DOCK4: variants seen among roughly 807,000 people sequenced by gnomAD.
DOCK4 encodes dedicator of cytokinesis 4, also known as dedicator of cytokinesis protein 4.
In DOCK4, 97 loss-of-function variants were observed where a neutral mutation model predicts 268.1. That is an observed-to-expected ratio of 0.36 (90% confidence interval 0.31 to 0.43). The LOEUF (loss-of-function observed/expected upper bound fraction) is 0.43, where lower values mean the gene tolerates loss of function less well. Among genes scored for constraint, DOCK4 ranks in the 20% least tolerant of loss-of-function variants. DOCK4 has a pLI of 1.00. For synonymous variants in DOCK4, 954 were observed against 887.2 expected, an observed-to-expected ratio of 1.08 and a Z score of -1.34; for missense variants, 2,145 against 2,455.7, an observed-to-expected ratio of 0.87 and a Z score of 2.67.
chr7:112,184,793 C>G (rs6973251), intron 1 of DOCK4, among the ~76,000 whole-genome samples: 8 of 152,192 alleles, frequency 5.3e-5, no homozygotes, highest in Non-Finnish European at 1.0e-4. Flanking sequence ...ACAATCCCCC[C>G]CCCTTAGAGC....
chr7:111,947,252 G>A (rs996999578), intron 8 of DOCK4, among the ~76,000 whole-genome samples: 2 of 152,160 alleles, frequency 1.3e-5, no homozygotes, highest in African/African-American at 4.8e-5. Flanking sequence ...GGAGATATGA[G>A]AACCATAAAC....
chr7:112,172,659 C>T (rs1051140093), intron 1 of DOCK4, among the ~76,000 whole-genome samples: 2 of 152,088 alleles, frequency 1.3e-5, no homozygotes, highest in African/African-American at 4.8e-5. Flanking sequence ...GAAATAAATT[C>T]ATGAACAGTA....
intron 42 of DOCK4, among the ~76,000 whole-genome samples, chr7:111,750,648 C>T (rs1043762459): frequency 1.3e-5 from 2 of 152,110 alleles, no homozygotes; most frequent in Non-Finnish European, 2.9e-5. Flanking sequence ...GAGCATCCTG[C>T]CTGCCTTGAA....
chr7:111,926,909 GA>G (rs1418409561), intron 12 of DOCK4, among the ~76,000 whole-genome samples: 3 of 150,410 alleles, frequency 2.0e-5, no homozygotes, highest in African/African-American at 7.3e-5. Context: ...AAGGAAGAAA[GA>G]AAAAAAGAAA....
At chr7:112,070,420 T>C (rs1161300792) in intron 1 of DOCK4, among the ~76,000 whole-genome samples, 2 of 150,336 alleles carry the variant, frequency 1.3e-5, no homozygotes, top group Non-Finnish European at 1.5e-5. Flanking sequence ...TTTTTGCCAT[T>C]AAAAAAAAAT....
rs986949683 is a variant in DOCK4, at chr7:111,812,009, C to T, written c.2931-60G>A. The T allele has an allele frequency of 1.9e-5, 18 of 932,336 alleles. No homozygotes were observed. In the African/African-American group the frequency reaches 2.9e-4, roughly 15 times the overall value. The allele number at this position is 932,336 out of a possible 1,614,324, so 57.8% of individuals were successfully genotyped here. A position where few individuals can be genotyped will look rare whatever the true frequency, so the allele number is the denominator to read the frequency against. The stretch of plus-strand genomic sequence containing the variant: ...ATATTAGTGAAAATCATTTAGTATA[C>T]AAGAATAAAAACCTACTAAGATAAA... On this transcript the variant is annotated intron_variant, in intron 27 of 52. Transcript: ENST00000428084.
chr7:111,826,471 T>C (rs888817231), intron 26 of DOCK4, among the ~76,000 whole-genome samples: 2 of 152,144 alleles, frequency 1.3e-5, no homozygotes, highest in African/African-American at 2.4e-5. Context: ...TTACATATGA[T>C]ACTATGATAT....
At chr7:111,830,894 A>G (rs576058292) in intron 26 of DOCK4, among the ~76,000 whole-genome samples, 1 of 152,060 alleles carries the variant, frequency 6.6e-6, no homozygotes, top group Non-Finnish European at 1.5e-5. Context: ...GGAACCTTTC[A>G]TGATGGTACT....
At chr7:111,772,288 T>C (rs1185634162) in intron 36 of DOCK4, among the ~76,000 whole-genome samples, 2 of 152,128 alleles carry the variant, frequency 1.3e-5, no homozygotes, top group Non-Finnish European at 2.9e-5. Context: ...GGCATACGCC[T>C]GTAGTCCCAG....
intron 1 of DOCK4, among the ~76,000 whole-genome samples, chr7:112,162,167 G>A (rs939474288): frequency 6.6e-6 from 1 of 152,104 alleles, no homozygotes; most frequent in Non-Finnish European, 1.5e-5. Context: ...TCATTTATCT[G>A]GCATCAAGAG....
At chr7:111,782,954 A>G (rs1798882119) in intron 34 of DOCK4, 30 bp from the exon 35 acceptor site, 1 of 1,594,312 alleles carries the variant, frequency 6.3e-7, no homozygotes, top group Non-Finnish European at 8.6e-7. Context: ...GTCAGAACTC[A>G]GAACTTCCTT....
At chr7:111,899,711 T>TCAC (rs1790971797) in intron 15 of DOCK4, among the ~76,000 whole-genome samples, 1 of 151,890 alleles carries the variant, frequency 6.6e-6, no homozygotes, top group Non-Finnish European at 1.5e-5. Flanking sequence ...TCACCTGAGG[T>TCAC]CAGGAGTTCA....
intron 36 of DOCK4, among the ~76,000 whole-genome samples, chr7:111,774,116 T>C (rs887786498): frequency 1.1e-4 from 17 of 152,080 alleles, no homozygotes; most frequent in Non-Finnish European, 2.1e-4. Flanking sequence ...ACATACACAA[T>C]ATATAACCAT....
At chr7:112,036,175 A>C (rs1470405497) in intron 1 of DOCK4, among the ~76,000 whole-genome samples, 1 of 152,168 alleles carries the variant, frequency 6.6e-6, no homozygotes, top group Non-Finnish European at 1.5e-5. Flanking sequence ...GTAAACATGT[A>C]AAAACTCAGG....
chr7:112,099,993 T>G (rs1810525642), intron 1 of DOCK4, among the ~76,000 whole-genome samples: 1 of 152,244 alleles, frequency 6.6e-6, no homozygotes, highest in South Asian at 2.1e-4. Flanking sequence ...ATCCTCTTAA[T>G]GTTCTAGGTT....
intron 1 of DOCK4, among the ~76,000 whole-genome samples, chr7:112,102,782 C>A (rs999089609): frequency 2.0e-5 from 3 of 152,164 alleles, no homozygotes; most frequent in Admixed American, 6.5e-5. Flanking sequence ...TTTGTTATAG[C>A]AGCCCAAATG....
At chr7:111,985,156 G>A (rs1207338910) in intron 6 of DOCK4, among the ~76,000 whole-genome samples, 1 of 152,032 alleles carries the variant, frequency 6.6e-6, no homozygotes, top group African/African-American at 2.4e-5. Context: ...TCCCTCTAGC[G>A]ACCTTCCTAG....
intron 1 of DOCK4, among the ~76,000 whole-genome samples, chr7:112,088,381 T>A (rs1314504545): frequency 6.6e-6 from 1 of 152,118 alleles, no homozygotes; most frequent in South Asian, 2.1e-4. Flanking sequence ...GATAAAAAAA[T>A]GTATCTCCTA....
In DOCK4 at chr7:111,784,083, A is replaced by G. The variant is rs770346977; in HGVS notation, c.3428+14T>C. The G allele has an allele frequency of 1.3e-6, 2 of 1,580,756 alleles. No individual in the cohort carries two copies. Among genetic ancestry groups the G allele is most frequent in the Non-Finnish European group, 1.7e-6 (2 of 1,167,268 alleles). On this transcript the variant is annotated intron_variant, in intron 33 of 52. Coordinates refer to ENST00000428084, the MANE Select transcript of DOCK4 (RefSeq NM_001363540.2). ...ACATCTCACAAGTAGCACAATTTGCAAACAATGTCTTACCTAGGATAGGGA... is the reference window on the plus strand; with the variant it reads ...ACATCTCACAAGTAGCACAATTTGCGAACAATGTCTTACCTAGGATAGGGA...
Sources: gnomAD v4.1 joint callset for allele counts (sites outside exome capture counted in the v4.1 genomes callset) on GRCh38, gnomAD v4.1.1 for gene constraint, MANE v1.5 for transcripts, NCBI Gene and HGNC (gene_info 2026-07-23, HGNC 2026-07-21) for gene names.